Variants in MYO18B observed in about 807,000 individuals in gnomAD.
MYO18B encodes myosin XVIIIB.
In MYO18B, 204 loss-of-function variants were observed where a neutral mutation model predicts 273.0. The ratio of observed to expected loss-of-function variants is 0.75; its 90% CI spans 0.67 to 0.84. MYO18B has a LOEUF of 0.84. Ranked by LOEUF, MYO18B falls within the 40% of genes least tolerant of loss-of-function variation. MYO18B has a pLI of 0.00. For missense variants in MYO18B, 3,212 were observed against 3,287.6 expected, an observed-to-expected ratio of 0.98 and a Z score of 0.56; for synonymous variants, 1,330 against 1,305.7, an observed-to-expected ratio of 1.02 and a Z score of -0.40.
intron 32 of MYO18B, 63 bp downstream of exon 32, chr22:25,908,495 T>C (rs2092093530): frequency 7.3e-7 from 1 of 1,376,020 alleles, no homozygotes; most frequent in African/African-American, 1.4e-5. Flanking sequence ...GGATTCCCTC[T>C]TCCTTAGAGC....
chr22:26,021,347 C>T (rs1343896751), intron 42 of MYO18B, among the ~76,000 whole-genome samples: 1 of 152,172 alleles, frequency 6.6e-6, no homozygotes, highest in Non-Finnish European at 1.5e-5. Context: ...TTTATTGGAA[C>T]CTAGTATGTG....
chr22:26,023,976 C>A (rs562572247), intron 42 of MYO18B, among the ~76,000 whole-genome samples: 279 of 152,266 alleles, frequency 1.8e-3, no homozygotes, highest in Non-Finnish European at 3.0e-3. Flanking sequence ...TGGGAACAGA[C>A]AAGAAATAGG....
At chr22:26,050,898 G>A in the MYO18B span, among the ~76,000 whole-genome samples, 1 of 152,190 alleles carries the variant, frequency 6.6e-6, no homozygotes, top group Non-Finnish European at 1.5e-5. Flanking sequence ...GTTGGATGAG[G>A]TTGGGGAGAA....
chr22:25,755,506 A>G (rs2086087209), intron 1 of MYO18B, among the ~76,000 whole-genome samples: 1 of 152,294 alleles, frequency 6.6e-6, no homozygotes, highest in East Asian at 1.9e-4. Context: ...GCGCCCAGCC[A>G]CTTTCCTGTG....
Position 25,845,804 on chromosome 22 carries a change from G to C in MYO18B, c.3369-296G>C, listed in dbSNP as rs6004794. Reference sequence around the variant, plus strand: ...TACAGGTGTCGTAGCATTGCTGTAGGTATGTAAGTGACAAGAATATCCATA... The same window carrying C: ...TACAGGTGTCGTAGCATTGCTGTAGCTATGTAAGTGACAAGAATATCCATA... On this transcript the variant is annotated intron_variant, in intron 18 of 43. Transcript: ENST00000335473. Among the ~76,000 whole-genome samples, 21,338 of 152,208 alleles carry C rather than the reference G, an allele frequency of 0.14. 1,840 individuals carry two copies. Among genetic ancestry groups the C allele is most frequent in the African/African-American group, 0.24 (10,000 of 41,518 alleles).
At chr22:25,843,665 A>G in intron 17 of MYO18B, 70 bp from the exon 18 acceptor site, 1 of 1,517,166 alleles carries the variant, frequency 6.6e-7, no homozygotes, top group Non-Finnish European at 9.0e-7. Flanking sequence ...CTGTGCGTTT[A>G]AGGGATGCCA....
intron 12 of MYO18B, among the ~76,000 whole-genome samples, chr22:25,799,843 G>C (rs1393618506): frequency 1.3e-5 from 2 of 152,154 alleles, no homozygotes; most frequent in African/African-American, 2.4e-5. Flanking sequence ...CTGGGCTGGG[G>C]CAAATATGAA....
intron 42 of MYO18B, among the ~76,000 whole-genome samples, chr22:26,025,990 A>G (rs1936211328): frequency 6.6e-6 from 1 of 152,178 alleles, no homozygotes. Context: ...TCCCGTGGAG[A>G]CACATATTTG....
intron 16 of MYO18B, among the ~76,000 whole-genome samples, chr22:25,834,453 GCCCCTT>G (rs2089826692): frequency 1.3e-5 from 2 of 152,304 alleles, no homozygotes; most frequent in African/African-American, 4.8e-5. Flanking sequence ...CCCTGGATGT[GCCCCTT>G]CCCCTCTCCA....
intron 34 of MYO18B, among the ~76,000 whole-genome samples, chr22:25,935,827 T>C (rs951647268): frequency 1.3e-5 from 2 of 152,156 alleles, no homozygotes; most frequent in African/African-American, 4.8e-5. Context: ...ACACTGTGGG[T>C]ATCTGGGTTA....
the MYO18B span, among the ~76,000 whole-genome samples, chr22:26,051,489 C>A: frequency 1.3e-5 from 2 of 152,232 alleles, no homozygotes; most frequent in Admixed American, 1.3e-4. Context: ...AACCAGAGGT[C>A]TGAGCAGTGA....
the MYO18B span, among the ~76,000 whole-genome samples, chr22:26,052,874 C>T: frequency 6.7e-6 from 1 of 150,102 alleles, no homozygotes; most frequent in Non-Finnish European, 1.5e-5. Flanking sequence ...GTGATCTCGG[C>T]TCACTGCAAG....
chr22:25,852,551 A>G (rs141095032), intron 21 of MYO18B, among the ~76,000 whole-genome samples: 1 of 152,358 alleles, frequency 6.6e-6, no homozygotes, highest in African/African-American at 2.4e-5. Context: ...GAATGGCCAC[A>G]GGCTTATCGA....
intron 17 of MYO18B, among the ~76,000 whole-genome samples, chr22:25,839,044 ACATGTGTGTG>A (rs1264140927): frequency 6.6e-6 from 1 of 151,276 alleles, no homozygotes; most frequent in African/African-American, 2.4e-5. Context: ...ATGAGTGTAT[ACATGTGTGTG>A]CATGTGTGTA....
the MYO18B span, among the ~76,000 whole-genome samples, chr22:26,060,638 TATACACACATCCACACATTTATAC>T: frequency 6.6e-6 from 1 of 151,952 alleles, no homozygotes; most frequent in Non-Finnish European, 1.5e-5. Flanking sequence ...CAAATATACA[TATACACACATCCACACATTTATAC>T]ATACGCACAC....
At chr22:26,048,229 C>T in the MYO18B span, among the ~76,000 whole-genome samples, 1 of 152,172 alleles carries the variant, frequency 6.6e-6, no homozygotes, top group Non-Finnish European at 1.5e-5. Flanking sequence ...AGGACAAGAA[C>T]TCTTTCCTGG....
chr22:25,930,785 G>A (rs1005360606), intron 34 of MYO18B, among the ~76,000 whole-genome samples: 3 of 152,106 alleles, frequency 2.0e-5, no homozygotes, highest in African/African-American at 4.8e-5. Context: ...GAGTGCTCCT[G>A]TAGGTCCTTC....
intron 31 of MYO18B, among the ~76,000 whole-genome samples, chr22:25,905,168 CAG>C (rs1478775307): frequency 6.6e-6 from 1 of 151,682 alleles, no homozygotes; most frequent in Non-Finnish European, 1.5e-5. Flanking sequence ...ATGGGTGGGA[CAG>C]GGGATGGGGG....
At chr22:25,942,314 A>G (rs1257324270) in intron 34 of MYO18B, among the ~76,000 whole-genome samples, 1 of 152,200 alleles carries the variant, frequency 6.6e-6, no homozygotes, top group Non-Finnish European at 1.5e-5. Flanking sequence ...GGTTCCAGGA[A>G]TGATGCATAT....
Sources: allele counts gnomAD v4.1 joint callset (sites outside exome capture counted in the v4.1 genomes callset), GRCh38; gene constraint gnomAD v4.1.1; transcripts MANE v1.5; gene names NCBI Gene and HGNC (gene_info 2026-07-23, HGNC 2026-07-21).